The following PSG3 variants were observed in gnomAD, a reference collection of about 807,000 sequenced individuals.
The protein encoded by PSG3 is pregnancy specific beta-1-glycoprotein 3, also known as pregnancy-specific beta-1-glycoprotein 3.
Under a neutral mutation model 47.5 loss-of-function variants are expected in PSG3, and 61 were observed. The observed-to-expected ratio is 1.28, with a 90% CI of 1.05 to 1.59. The LOEUF (loss-of-function observed/expected upper bound fraction) is 1.59, where lower values mean the gene tolerates loss of function less well. Ranked by LOEUF, PSG3 falls within the 40% of genes most tolerant of loss-of-function variation. The pLI, the probability that PSG3 is intolerant of heterozygous loss-of-function variation, is 0.00. For synonymous variants in PSG3, 263 were observed against 198.4 expected, an observed-to-expected ratio of 1.33 and a Z score of -2.74; for missense variants, 756 against 524.0, an observed-to-expected ratio of 1.44 and a Z score of -4.32.
intron 2 of PSG3, among the ~76,000 whole-genome samples, chr19:42,737,780 T>A (rs1224596840): frequency 1.3e-5 from 2 of 152,182 alleles, no homozygotes; most frequent in African/African-American, 4.8e-5. Context: ...TTTGTGTGAC[T>A]CTGGTTCAGT....
chr19:42,731,868 T>C (rs141060882), intron 3 of PSG3: 7 of 151,348 alleles, frequency 4.6e-5, no homozygotes, highest in South Asian at 2.1e-4. Flanking sequence ...CAAAATATTT[T>C]ATTCCTTTTG....
At chr19:42,728,536 A>G (rs937465347) in intron 5 of PSG3, among the ~76,000 whole-genome samples, 8 of 152,110 alleles carry the variant, frequency 5.3e-5, no homozygotes, top group South Asian at 2.1e-4. Context: ...TCAACTGGCA[A>G]CTCGATTTAG....
At chr19:42,733,995 T>C (rs1250207625) in intron 2 of PSG3, 1 of 152,172 alleles carries the variant, frequency 6.6e-6, no homozygotes, top group Non-Finnish European at 1.5e-5. Flanking sequence ...GCAGATACTT[T>C]CTCTCATTAG....
chr19:42,740,203 C>T lies in PSG3; in HGVS notation c.64+118G>A, dbSNP rs368551597. On this transcript the variant is annotated intron_variant, in intron 1 of 6. Coordinates refer to ENST00000327495, the MANE Select transcript of PSG3 (RefSeq NM_021016.4). ...TCCTGATCTCGTGATCCACCCTCCT[C>T]AGCCTCCCTAAGTGCTGGCTTCTTT... 99 of 1,592,282 alleles carry T rather than the reference C, an allele frequency of 6.2e-5. No individual in the cohort carries two copies. In the East Asian group the frequency reaches 1.7e-3, roughly 27 times the overall value.
intron 3 of PSG3, chr19:42,732,223 T>G (rs1358529880): frequency 1.2e-5 from 2 of 163,682 alleles, no homozygotes; most frequent in South Asian, 1.7e-4. Flanking sequence ...TTTTAGTGAT[T>G]TGGGGGATAA....
In PSG3 at chr19:42,740,236, T is replaced by A. The variant is rs1600393899; in HGVS notation, c.64+85A>T. On this transcript the variant is annotated intron_variant, in intron 1 of 6. Transcript: ENST00000327495. The stretch of plus-strand genomic sequence containing the variant: ...CTAAGTGCTGGCTTCTTTTATTTTT[T>A]AGAACCCCAGGAGTCTCTCCAGGAG... 3.1e-6 allele frequency: 5 copies of A among 1,610,846 alleles called. No individual in the cohort carries two copies. In the East Asian group the frequency reaches 8.9e-5, roughly 29 times the overall value.
chr19:42,738,814 G>C lies in PSG3; in HGVS notation c.340C>G (p.Arg114Gly), dbSNP rs149473391. Residue 114 changes from arginine to glycine, a missense_variant, in exon 2 of 7, where the codon CGG becomes GGG. Transcript: ENST00000327495. ...NASLLIQNVT[R>G]EDAGSYTLHI... ...AAGGTGTAGGATCCTGCGTCCTCCC[G>C]GGTGACATTCTGGATCAGCAGGGAT... 1 of 1,613,914 alleles carries C rather than the reference G, an allele frequency of 6.2e-7. No homozygotes were observed. The highest frequency in any genetic ancestry group is 1.3e-5 in the African/African-American group (1 of 74,880).
intron 3 of PSG3, chr19:42,732,478 T>G (rs554766029): frequency 1.4e-5 from 8 of 588,726 alleles, no homozygotes; most frequent in Non-Finnish European, 2.0e-5. Context: ...TGAGCCAAGT[T>G]GCAACACTGA....
At chr19:42,740,054 G>A (rs117650432) in intron 1 of PSG3, among the ~76,000 whole-genome samples, 7,324 of 151,636 alleles carry the variant, frequency 0.048, 241 homozygotes, top group Middle Eastern at 0.075. Flanking sequence ...CCGGGTTCAC[G>A]TGATTCTCCT....
rs778356884 is a variant in PSG3, at chr19:42,730,004, A to G, written c.762T>C (p.Asn254=). 115 of 1,612,326 alleles carry G rather than the reference A, an allele frequency of 7.1e-5. 1 individual carries two copies. In the Admixed American group the frequency reaches 1.8e-3, roughly 25 times the overall value. Residue 254 remains asparagine (N), a synonymous_variant, in exon 4 of 7, where the codon AAT becomes AAC. Transcript: ENST00000327495. ...ITINNLNPRE[N]KDVLAFTCEP... ...CACAGGTGAAGGCTAAGACATCCTT[A>G]TTCTCCCTGGGGTTTAAGTTGTTGA... is the stretch of plus-strand genomic sequence containing the variant.
Position 42,732,773 on chromosome 19 carries a change from G to A in PSG3, c.709+11C>T, listed in dbSNP as rs373531400. The A allele has an allele frequency of 3.5e-5, 57 of 1,613,950 alleles. No homozygotes were observed. Among genetic ancestry groups the A allele is most frequent in the East Asian group, 8.9e-5 (4 of 44,900 alleles). ...GGCAGACTGGCTCACAGAGGAACAGGAGATACTCACGGAGGAGATTCAGGG... is the reference window on the plus strand; with the variant it reads ...GGCAGACTGGCTCACAGAGGAACAGAAGATACTCACGGAGGAGATTCAGGG... On this transcript the variant is annotated intron_variant, in intron 3 of 6. Transcript: ENST00000327495.
intron 2 of PSG3, among the ~76,000 whole-genome samples, chr19:42,734,520 A>T (rs562704667): frequency 1.3e-5 from 2 of 152,354 alleles, no homozygotes; most frequent in East Asian, 3.9e-4. Flanking sequence ...ACAGCAAAAA[A>T]TTTGGAGGAA....
At chr19:42,731,522 G>A (rs1378953160) in intron 3 of PSG3, among the ~76,000 whole-genome samples, 2 of 152,130 alleles carry the variant, frequency 1.3e-5, no homozygotes, top group African/African-American at 2.4e-5. Context: ...ATGTGAGAAA[G>A]GCTGATTGCT....
intron 6 of PSG3, 90 bp downstream of exon 6, chr19:42,723,852 G>T: frequency 2.9e-6 from 3 of 1,023,100 alleles, no homozygotes; most frequent in Non-Finnish European, 4.6e-6. Context: ...AGGAGATCCA[G>T]TCCCAGATAC....
chr19:42,724,141 T>C, intron 5 of PSG3, 116 bp from the exon 6 acceptor site: 1 of 1,430,702 alleles, frequency 7.0e-7, no homozygotes, highest in Non-Finnish European at 9.5e-7. Context: ...AAGGACTACG[T>C]TATTTCTGTT....
intron 5 of PSG3, among the ~76,000 whole-genome samples, chr19:42,724,785 G>A (rs1019853934): frequency 3.3e-5 from 5 of 151,630 alleles, no homozygotes; most frequent in African/African-American, 9.7e-5. Flanking sequence ...AACATACCAG[G>A]CTTGATTCTT....
chr19:42,736,344 C>G (rs1568754229), intron 2 of PSG3, among the ~76,000 whole-genome samples: 1 of 152,162 alleles, frequency 6.6e-6, no homozygotes, highest in Non-Finnish European at 1.5e-5. Context: ...TCATCCATAC[C>G]TATGACTAAT....
At chr19:42,730,565 G>T (rs1279171651) in intron 3 of PSG3, among the ~76,000 whole-genome samples, 1 of 152,250 alleles carries the variant, frequency 6.6e-6, no homozygotes, top group Non-Finnish European at 1.5e-5. Context: ...GGGACTGGAT[G>T]TTTCAGCAGA....
intron 5 of PSG3, among the ~76,000 whole-genome samples, chr19:42,725,149 T>G (rs574384791): frequency 6.6e-6 from 1 of 152,190 alleles, no homozygotes; most frequent in African/African-American, 2.4e-5. Flanking sequence ...CAGCTGACAT[T>G]GGTTCCACTG....
Sources: allele counts gnomAD v4.1 joint callset (sites outside exome capture counted in the v4.1 genomes callset), GRCh38; gene constraint gnomAD v4.1.1; transcripts MANE v1.5; gene names NCBI Gene and HGNC (gene_info 2026-07-23, HGNC 2026-07-21).